KIF13A: variants seen among roughly 807,000 people sequenced by gnomAD.
KIF13A encodes the protein kinesin family member 13A.
KIF13A carries 79 observed loss-of-function variants against 212.2 expected under a neutral mutation model. The ratio of observed to expected loss-of-function variants is 0.37; its 90% CI spans 0.31 to 0.45. The LOEUF is 0.45. Ranked by LOEUF, KIF13A falls within the 20% of genes least tolerant of loss-of-function variation. KIF13A has a pLI of 1.00. For synonymous variants in KIF13A, 789 were observed against 808.6 expected (o/e 0.98, Z 0.41); for missense variants, 1,901 against 2,209.0 (o/e 0.86, Z 2.79).
At chr6:17,859,620 T>TTTTATATATATATATATATATATA (rs1485260645) in intron 4 of KIF13A, among the ~76,000 whole-genome samples, 4 of 131,554 alleles carry the variant, frequency 3.0e-5, no homozygotes, top group Non-Finnish European at 6.5e-5. Flanking sequence ...GCAATGTATT[T>TTTTATATATATATATATATATATA]TATATATATA....
intron 2 of KIF13A, among the ~76,000 whole-genome samples, chr6:17,975,035 G>A (rs1315291980): frequency 2.0e-5 from 3 of 152,024 alleles, no homozygotes; most frequent in Non-Finnish European, 2.9e-5. Flanking sequence ...GCCATCACCT[G>A]GGAACTTGTT....
At chr6:17,830,195 G>C (rs1407087718) in intron 13 of KIF13A, among the ~76,000 whole-genome samples, 5 of 152,226 alleles carry the variant, frequency 3.3e-5, no homozygotes, top group Non-Finnish European at 7.3e-5. Context: ...CGGGGTCTCT[G>C]AGAACCTTTC....
chr6:17,801,121 G>A (rs1178467981), intron 20 of KIF13A, among the ~76,000 whole-genome samples: 1 of 152,072 alleles, frequency 6.6e-6, no homozygotes, highest in East Asian at 1.9e-4. Context: ...CAAACAGCTA[G>A]CTCATGAAAT....
intron 3 of KIF13A, among the ~76,000 whole-genome samples, chr6:17,874,283 G>GTTTTTGTTTTTT (rs368849151): frequency 4.7e-5 from 7 of 148,026 alleles, no homozygotes; most frequent in East Asian, 4.0e-4. Context: ...TTTTGTTTTT[G>GTTTTTGTTTTTT]TTTTTTGGTG....
chr6:17,772,546 T>C lies in KIF13A; in HGVS notation c.4325-487A>G, dbSNP rs1759592536. On this transcript the variant is annotated intron_variant, in intron 36 of 38. Coordinates refer to ENST00000259711, the MANE Select transcript of KIF13A (RefSeq NM_022113.6). This position sits in a 1 kb window ranked among gnomAD's most constrained non-coding sequence, Gnocchi z 4.8. Reference sequence around the variant, plus strand: ...AAAGAGTTACTACAGTGCTAGTCTGTGTGAACAAAGTGAGATAGCAAATTT... The same window carrying C: ...AAAGAGTTACTACAGTGCTAGTCTGCGTGAACAAAGTGAGATAGCAAATTT... Among the ~76,000 whole-genome samples the C allele has an allele frequency of 6.6e-6, 1 of 152,258 alleles. No individual in the cohort carries two copies. The highest frequency in any genetic ancestry group is 1.5e-5 in the Non-Finnish European group (1 of 68,046).
At chr6:17,921,176 C>A (rs1775037865) in intron 2 of KIF13A, among the ~76,000 whole-genome samples, 1 of 152,136 alleles carries the variant, frequency 6.6e-6, no homozygotes, top group Admixed American at 6.5e-5. Flanking sequence ...TTTTTTAATG[C>A]CTGCCTCTAT....
intron 2 of KIF13A, among the ~76,000 whole-genome samples, chr6:17,966,841 A>C (rs567523323): frequency 5.3e-5 from 8 of 152,304 alleles, no homozygotes; most frequent in African/African-American, 1.9e-4. Context: ...TTTGCTGTAA[A>C]TACTCAAAGC....
At chr6:17,885,380 T>G (rs1409235894) in intron 3 of KIF13A, among the ~76,000 whole-genome samples, 3 of 152,244 alleles carry the variant, frequency 2.0e-5, no homozygotes, top group Admixed American at 6.5e-5. Flanking sequence ...AGCTGTCTTT[T>G]GGCAATGTAA....
At chr6:17,800,846 G>A (rs554510531) in intron 20 of KIF13A, among the ~76,000 whole-genome samples, 4 of 151,906 alleles carry the variant, frequency 2.6e-5, no homozygotes, top group South Asian at 2.1e-4. Context: ...TGATCCACCC[G>A]CCTCGGCCTC....
Position 17,777,354 on chromosome 6 carries a change from C to A in KIF13A, c.4093G>T (p.Ala1365Ser). The change falls in exon 34 of 39, where the codon GCC becomes TCC. Residue 1365 changes from alanine to serine, a missense_variant and splice_region_variant. This residue lies in a region of KIF13A where 687 missense variants were observed against 759.1 expected (regional missense o/e 0.90). Coordinates refer to ENST00000259711, the MANE Select transcript of KIF13A (RefSeq NM_022113.6). The surrounding 1 kb of genome is among the most constrained non-coding windows in gnomAD (Gnocchi z 4.4). ...NILSLERLRQ[A>S]VTVKEALSTK... ...GAAAGTGCTTCTTTGACTGTGACGG[C>A]CTGTAAACATAATAATTTGAAAATA... The A allele has an allele frequency of 1.9e-6, 3 of 1,609,956 alleles. No individual in the cohort carries two copies. The highest frequency in any genetic ancestry group is 2.5e-6 in the Non-Finnish European group (3 of 1,177,620).
chr6:17,855,353 G>A lies in KIF13A; in HGVS notation c.494+84C>T, dbSNP rs181786336. The A allele has an allele frequency of 2.9e-4, 295 of 1,028,594 alleles. 3 individuals are homozygous for A. The African/African-American group carries it at 4.1e-3, about 14-fold the overall frequency. 63.7% of individuals were successfully genotyped at this position (1,028,594 alleles called of 1,614,324 possible). On this transcript the variant is annotated intron_variant, in intron 6 of 38. Coordinates refer to ENST00000259711, the MANE Select transcript of KIF13A (RefSeq NM_022113.6). This position sits in a 1 kb window ranked among gnomAD's most constrained non-coding sequence, Gnocchi z 4.1. ...GTGTAGTCACCAAGAGCTTAAATACGTATATTCACTTCCAATTTTAACTTT... is the reference window on the plus strand; with the variant it reads ...GTGTAGTCACCAAGAGCTTAAATACATATATTCACTTCCAATTTTAACTTT...
At chr6:17,909,302 G>A (rs1437787892) in intron 2 of KIF13A, among the ~76,000 whole-genome samples, 4 of 152,072 alleles carry the variant, frequency 2.6e-5, no homozygotes, top group African/African-American at 7.2e-5. Flanking sequence ...TTGGGAGGCC[G>A]AGGCGGGTGG....
intron 2 of KIF13A, among the ~76,000 whole-genome samples, chr6:17,938,385 GA>G (rs1399228629): frequency 6.6e-6 from 1 of 152,182 alleles, no homozygotes; most frequent in Non-Finnish European, 1.5e-5. Context: ...AGAAAGGTAT[GA>G]AACATTCCTG....
At position 17,914,113 on chromosome 6, in the gene KIF13A, T is replaced by C. The variant is rs1350759858; in HGVS notation, c.147-15933A>G. Among the ~76,000 whole-genome samples the C allele has an allele frequency of 6.6e-6, 1 of 152,202 alleles. No homozygotes were observed. Among genetic ancestry groups the C allele is most frequent in the East Asian group, 1.9e-4 (1 of 5,200 alleles). ...AGAAATGGTCCTTTATCACAGATGT[T>C]TCGAGAAGCACATAATCCAAGGCCA... On this transcript the variant is annotated intron_variant, in intron 2 of 38. Transcript: ENST00000259711. The surrounding 1 kb of genome is among the most constrained non-coding windows in gnomAD (Gnocchi z 5.9).
chr6:17,913,985 A>G (rs2150508843), intron 2 of KIF13A, among the ~76,000 whole-genome samples: 1 of 152,272 alleles, frequency 6.6e-6, no homozygotes, highest in South Asian at 2.1e-4. Flanking sequence ...CTTCCAAGGT[A>G]TGGGCCACAA....
chr6:17,799,818 T>C lies in KIF13A; in HGVS notation c.2616+134A>G, dbSNP rs571476118. ...TGCTATATTTCTGAAAACAAAGTAC[T>C]GTCCACCACTGTATCTGCTGTTACA... On this transcript the variant is annotated intron_variant, in intron 21 of 38. Transcript: ENST00000259711. The surrounding 1 kb of genome is among the most constrained non-coding windows in gnomAD (Gnocchi z 4.4). 648 of 861,252 alleles carry C rather than the reference T, an allele frequency of 7.5e-4. 6 individuals carry two copies. In the South Asian group the frequency reaches 0.01, roughly 14 times the overall value. 53.4% of individuals were successfully genotyped at this position (861,252 alleles called of 1,614,324 possible). A position where few individuals can be genotyped will look rare whatever the true frequency, so the allele number is the denominator to read the frequency against.
At position 17,769,471 on chromosome 6, in the gene KIF13A, T is replaced by C. The variant is rs1759304261; in HGVS notation, c.4581+1643A>G. Among the ~76,000 whole-genome samples, 1 of 152,042 alleles carries C rather than the reference T, an allele frequency of 6.6e-6. No individual in the cohort carries two copies. Among genetic ancestry groups the C allele is most frequent in the African/African-American group, 2.4e-5 (1 of 41,400 alleles). On this transcript the variant is annotated intron_variant, in intron 38 of 38. Transcript: ENST00000259711. The surrounding 1 kb of genome is among the most constrained non-coding windows in gnomAD (Gnocchi z 5.8). ...TAACTGCTGCTTGAGACTTCCTGGG[T>C]CAAGAGAATCTGGTTCCATCCTTCT...
rs147348459 is a variant in KIF13A, at chr6:17,968,730, A to T, written c.146+18324T>A. ...CTGCCTGTCAGCCAAAGGCAGTAGCAGCCAAAGCTGTAAGGGTCCAGAGCT... is the reference window on the plus strand; with the variant it reads ...CTGCCTGTCAGCCAAAGGCAGTAGCTGCCAAAGCTGTAAGGGTCCAGAGCT... On this transcript the variant is annotated intron_variant, in intron 2 of 38. Coordinates refer to ENST00000259711, the MANE Select transcript of KIF13A (RefSeq NM_022113.6). The surrounding 1 kb of genome is among the most constrained non-coding windows in gnomAD (Gnocchi z 4.7). Among the ~76,000 whole-genome samples the T allele has an allele frequency of 9.5e-3, 1,454 of 152,338 alleles. 93 individuals are homozygous for T. Among genetic ancestry groups the T allele is most frequent in the Admixed American group, 0.083 (1,262 of 15,294 alleles).
In KIF13A at chr6:17,937,518, A is replaced by C. The variant is rs796975778; in HGVS notation, c.147-39338T>G. ...AATTGTGTCGTCTGGAAAAAGTTAC[A>C]GAAGTCTCTTCATGTAGTAATGGGA... On this transcript the variant is annotated intron_variant, in intron 2 of 38. Transcript: ENST00000259711. Among the ~76,000 whole-genome samples the C allele has an allele frequency of 5.9e-5, 9 of 152,350 alleles. 1 individual carries two copies. The highest frequency in any genetic ancestry group is 2.1e-4 in the South Asian group (1 of 4,830).
Sources: gnomAD v4.1 joint callset for allele counts (sites outside exome capture counted in the v4.1 genomes callset) on GRCh38, gnomAD v4.1.1 for gene constraint, gnomAD v4.1.1 regional missense constraint, Gnocchi (gnomAD v3.1) non-coding constraint, MANE v1.5 for transcripts, NCBI Gene and HGNC (gene_info 2026-07-23, HGNC 2026-07-21) for gene names.